NCOA6: variants seen among roughly 807,000 people sequenced by gnomAD.
The protein encoded by NCOA6 is nuclear receptor coactivator 6, also known as NRC RAP250.
NCOA6 carries 49 observed loss-of-function variants against 171.4 expected under a neutral mutation model. The ratio of observed to expected loss-of-function variants is 0.29; its 90% CI spans 0.23 to 0.36. The LOEUF (loss-of-function observed/expected upper bound fraction) is 0.36, where lower values mean the gene tolerates loss of function less well. NCOA6 is among the 10% of genes least tolerant of loss of function. The probability of loss-of-function intolerance (pLI) is 1.00; values close to 1 mark genes in which losing one functional copy is unlikely to be tolerated. For missense variants in NCOA6, 2,248 were observed against 2,554.5 expected (o/e 0.88, Z 2.59); for synonymous variants, 910 against 927.5 (o/e 0.98, Z 0.34).
At chr20:34,760,558 T>C (rs2076785212) in intron 5 of NCOA6, among the ~76,000 whole-genome samples, 1 of 152,214 alleles carries the variant, frequency 6.6e-6, no homozygotes, top group Non-Finnish European at 1.5e-5. Flanking sequence ...TGGAAGAATG[T>C]GTGTATCTGT....
intron 2 of NCOA6, among the ~76,000 whole-genome samples, chr20:34,785,250 A>C (rs1050669805): frequency 6.6e-6 from 1 of 152,056 alleles, no homozygotes; most frequent in African/African-American, 2.4e-5. Flanking sequence ...TGTTCTGGCA[A>C]TTATATCCTT....
intron 4 of NCOA6, among the ~76,000 whole-genome samples, chr20:34,771,081 A>G (rs966010784): frequency 6.6e-6 from 1 of 152,226 alleles, no homozygotes; most frequent in Non-Finnish European, 1.5e-5. Flanking sequence ...TTTACTTAAT[A>G]CATTCAATGT....
chr20:34,822,091 C>G (rs1281803730), intron 1 of NCOA6, among the ~76,000 whole-genome samples: 1 of 152,172 alleles, frequency 6.6e-6, no homozygotes, highest in Non-Finnish European at 1.5e-5. Flanking sequence ...TTCAGATCCT[C>G]ATTACTTCTA....
At chr20:34,817,713 G>A (rs2078888816) in intron 1 of NCOA6, among the ~76,000 whole-genome samples, 1 of 152,166 alleles carries the variant, frequency 6.6e-6, no homozygotes, top group African/African-American at 2.4e-5. Flanking sequence ...GCTGAAGGGA[G>A]GGAAGGGGGA....
chr20:34,724,524 C>T (rs1989738499), intron 14 of NCOA6, among the ~76,000 whole-genome samples: 1 of 152,154 alleles, frequency 6.6e-6, no homozygotes, highest in South Asian at 2.1e-4. Flanking sequence ...AGGAACTCAG[C>T]CAGGATCCCA....
chr20:34,820,693 C>T (rs1192442572), intron 1 of NCOA6: 2 of 151,080 alleles, frequency 1.3e-5, no homozygotes, highest in Non-Finnish European at 2.9e-5. Flanking sequence ...ATCACTTGAA[C>T]CTGGGAGACG....
At chr20:34,766,157 T>C (rs1470998298) in intron 5 of NCOA6, among the ~76,000 whole-genome samples, 1 of 152,186 alleles carries the variant, frequency 6.6e-6, no homozygotes, top group Admixed American at 6.6e-5. Flanking sequence ...GAGAGATATC[T>C]TGGGGGTTAA....
chr20:34,800,482 C>T (rs1342423654), intron 1 of NCOA6, among the ~76,000 whole-genome samples: 2 of 152,068 alleles, frequency 1.3e-5, no homozygotes, highest in Non-Finnish European at 2.9e-5. Flanking sequence ...CTGTTGACTA[C>T]AAGAAACACA....
At chr20:34,816,025 C>T (rs1034432315) in intron 1 of NCOA6, among the ~76,000 whole-genome samples, 1 of 152,146 alleles carries the variant, frequency 6.6e-6, no homozygotes, top group Non-Finnish European at 1.5e-5. Flanking sequence ...GCATCCAGGG[C>T]CCCAAGAAAG....
intron 12 of NCOA6, among the ~76,000 whole-genome samples, chr20:34,735,856 C>T (rs1258838193): frequency 2.6e-5 from 4 of 151,958 alleles, no homozygotes; most frequent in African/African-American, 9.7e-5. Flanking sequence ...TTAAGCATGG[C>T]TACTATTGCT....
intron 1 of NCOA6, among the ~76,000 whole-genome samples, chr20:34,793,798 A>T (rs573629920): frequency 6.6e-6 from 1 of 152,192 alleles, no homozygotes; most frequent in Non-Finnish European, 1.5e-5. Context: ...AATGATATAG[A>T]AAAAAATATG....
chr20:34,805,024 ACTCT>A (rs923203909), intron 1 of NCOA6, among the ~76,000 whole-genome samples: 5 of 145,914 alleles, frequency 3.4e-5, no homozygotes, highest in Non-Finnish European at 7.5e-5. Flanking sequence ...CCTCTGTTCT[ACTCT>A]CTATTTCTTA....
chr20:34,764,485 G>T (rs1435613878), intron 5 of NCOA6, among the ~76,000 whole-genome samples: 1 of 152,060 alleles, frequency 6.6e-6, no homozygotes, highest in Non-Finnish European at 1.5e-5. Context: ...CTTGAGGTCA[G>T]GAGTTCGAGA....
Position 34,757,963 on chromosome 20 carries a change from T to G in NCOA6, c.785A>C (p.Gln262Pro). The G allele has an allele frequency of 6.2e-7, 1 of 1,614,184 alleles. No individual in the cohort carries two copies. Reference sequence around the variant, plus strand: ...CTGCTGTTGTTGTTGTTGCTGCTGCTGCTGCAGCTGGGGAAAATTAGCTGG... The same window carrying G: ...CTGCTGTTGTTGTTGTTGCTGCTGCGGCTGCAGCTGGGGAAAATTAGCTGG... The part of the protein sequence containing the change: ...MNPANFPQLQ[Q>P]QQQQQQQQQQ... The change falls in exon 7 of 15, where the codon CAG (glutamine) becomes CCG (proline). Residue 262 changes from glutamine (Q) to proline (P), a missense_variant. Physicochemically the swap from Gln to Pro is moderately conservative, Grantham distance 76. This residue lies in a region of NCOA6 where 987 missense variants were observed against 1,104.7 expected (regional missense o/e 0.89). Transcript: ENST00000359003.
At chr20:34,816,754 T>A (rs2078849216) in intron 1 of NCOA6, among the ~76,000 whole-genome samples, 1 of 150,194 alleles carries the variant, frequency 6.7e-6, no homozygotes, top group Non-Finnish European at 1.5e-5. Context: ...GTGAGCCAAG[T>A]TTGCACCACT....
intron 14 of NCOA6, among the ~76,000 whole-genome samples, chr20:34,721,501 TCAGGATGAAACTGTTC>T (rs1361515646): frequency 1.3e-5 from 2 of 152,084 alleles, no homozygotes; most frequent in Non-Finnish European, 2.9e-5. Flanking sequence ...GGAGACAGTT[TCAGGATGAAACTGTTC>T]CACCTCAGAT....
intron 1 of NCOA6, among the ~76,000 whole-genome samples, chr20:34,805,656 G>A (rs1355179145): frequency 6.6e-6 from 1 of 151,458 alleles, no homozygotes; most frequent in Non-Finnish European, 1.5e-5. Context: ...TAGTGGGATT[G>A]CTGGATCATA....
At chr20:34,767,521 CCT>C (rs372169702) in intron 5 of NCOA6, among the ~76,000 whole-genome samples, 1 of 152,106 alleles carries the variant, frequency 6.6e-6, no homozygotes, top group East Asian at 1.9e-4. Flanking sequence ...GTCTCGAACC[CCT>C]GACCTCAGGT....
At chr20:34,716,359 G>A (rs1480998390) in intron 14 of NCOA6, among the ~76,000 whole-genome samples, 1 of 152,224 alleles carries the variant, frequency 6.6e-6, no homozygotes, top group Admixed American at 6.5e-5. Flanking sequence ...CAGAATGACA[G>A]TGACATACAG....
Sources: allele counts gnomAD v4.1 joint callset (sites outside exome capture counted in the v4.1 genomes callset), GRCh38; gene constraint gnomAD v4.1.1; regional missense constraint gnomAD v4.1.1; transcripts MANE v1.5; gene names NCBI Gene and HGNC (gene_info 2026-07-23, HGNC 2026-07-21).